CTNNA1: variants seen among roughly 807,000 people sequenced by gnomAD.
The protein encoded by CTNNA1 is catenin alpha 1.
CTNNA1 carries 37 observed loss-of-function variants against 98.4 expected under a neutral mutation model. The observed-to-expected ratio is 0.38, with a 90% CI of 0.29 to 0.49. The LOEUF (loss-of-function observed/expected upper bound fraction) is 0.49. Ranked by LOEUF, CTNNA1 falls within the 20% of genes least tolerant of loss-of-function variation. The pLI is 0.95. For missense variants in CTNNA1, 761 were observed against 1,147.2 expected (o/e 0.66, Z 4.86); for synonymous variants, 404 against 413.2 (o/e 0.98, Z 0.27).
intron 7 of CTNNA1, chr5:138,868,802 G>A (rs1765055344): frequency 6.6e-6 from 1 of 152,084 alleles, no homozygotes; most frequent in South Asian, 2.1e-4. Flanking sequence ...ATTTGACATT[G>A]TAGAGGAACA....
chr5:138,880,260 C>T (rs1752595492), intron 7 of CTNNA1: 1 of 152,264 alleles, frequency 6.6e-6, no homozygotes, highest in East Asian at 1.9e-4. Flanking sequence ...GATCTCCCTC[C>T]TTAGCCTCCC....
intron 13 of CTNNA1, 33 bp from the exon 14 acceptor site, chr5:138,929,213 G>A (rs1764783887): frequency 8.4e-7 from 1 of 1,190,596 alleles, no homozygotes; most frequent in African/African-American, 1.5e-5. Context: ...GCCCAGAGAT[G>A]TGTCTGACCT....
intron 7 of CTNNA1, among the ~76,000 whole-genome samples, chr5:138,845,897 T>A (rs1762676240): frequency 6.6e-6 from 1 of 152,008 alleles, no homozygotes; most frequent in Non-Finnish European, 1.5e-5. Context: ...CAGGGAATGA[T>A]AGCTAAAGGG....
chr5:138,933,105 G>A, intron 17 of CTNNA1: 3 of 655,700 alleles, frequency 4.6e-6, no homozygotes, highest in South Asian at 3.5e-5. Context: ...CTGCACTCCC[G>A]TCTGGGCAAC....
intron 9 of CTNNA1, among the ~76,000 whole-genome samples, chr5:138,895,503 TGG>T (rs5871685): frequency 4.1e-5 from 6 of 146,368 alleles, no homozygotes; most frequent in African/African-American, 1.5e-4. Context: ...AGCAGTTTTT[TGG>T]GGGGGGGGAT....
At chr5:138,809,684 A>G (rs534802722) in intron 3 of CTNNA1, among the ~76,000 whole-genome samples, 8 of 151,622 alleles carry the variant, frequency 5.3e-5, no homozygotes, top group African/African-American at 9.7e-5. Flanking sequence ...TTTATTAGAT[A>G]TGTTTTTTCT....
At chr5:138,886,959 C>CA (rs1169737887) in intron 8 of CTNNA1, among the ~76,000 whole-genome samples, 1 of 151,928 alleles carries the variant, frequency 6.6e-6, no homozygotes, top group African/African-American at 2.4e-5. Flanking sequence ...TGATATAAAA[C>CA]AAAATTAAAG....
rs1173046753 is a variant in CTNNA1 at position 138,934,263 on chromosome 5, A to C, written c.*174A>C. The C allele has an allele frequency of 1.7e-6, 1 of 574,116 alleles. No individual in the cohort carries two copies. The highest frequency in any genetic ancestry group is 3.3e-5 in the Admixed American group (1 of 30,306). The allele number at this position is 574,116 out of a possible 1,614,324, so 35.6% of individuals were successfully genotyped here. A position where few individuals can be genotyped will look rare whatever the true frequency, so the allele number is the denominator to read the frequency against. On this transcript the variant is annotated 3_prime_UTR_variant, in exon 18 of 18. Coordinates refer to ENST00000302763, the MANE Select transcript of CTNNA1 (RefSeq NM_001903.5). The stretch of plus-strand genomic sequence containing the variant: ...AGAACATAGTTTAAGTTGATTAAAA[A>C]TGCTTTTAGAATGCAGGAGCCTACT...
chr5:138,882,434 G>C (rs376662463), intron 7 of CTNNA1, among the ~76,000 whole-genome samples: 1 of 152,206 alleles, frequency 6.6e-6, no homozygotes, highest in African/African-American at 2.4e-5. Context: ...AGAATGTGTA[G>C]AAGAAGGAGA....
At chr5:138,897,221 A>G (rs935005184) in intron 9 of CTNNA1, among the ~76,000 whole-genome samples, 1 of 146,176 alleles carries the variant, frequency 6.8e-6, no homozygotes, top group Non-Finnish European at 1.5e-5. Flanking sequence ...TCCATGGACT[A>G]CCTTGTGAAT....
At chr5:138,799,403 A>C (rs931162872) in intron 3 of CTNNA1, among the ~76,000 whole-genome samples, 3 of 152,018 alleles carry the variant, frequency 2.0e-5, no homozygotes, top group Non-Finnish European at 4.4e-5. Context: ...CAGGTGATCC[A>C]CCCACCTCGG....
chr5:138,826,726 A>T (rs145095018), intron 6 of CTNNA1, among the ~76,000 whole-genome samples: 1 of 152,366 alleles, frequency 6.6e-6, no homozygotes, highest in African/African-American at 2.4e-5. Flanking sequence ...TGAGGCAAAT[A>T]GATGGAAATT....
intron 4 of CTNNA1, among the ~76,000 whole-genome samples, chr5:138,811,202 G>GGAT (rs1758719305): frequency 6.7e-6 from 1 of 148,768 alleles, no homozygotes. Context: ...TTCTCAGACG[G>GGAT]GGCGGCCGGG....
chr5:138,913,920 G>A (rs1761197928), intron 10 of CTNNA1, among the ~76,000 whole-genome samples: 1 of 152,182 alleles, frequency 6.6e-6, no homozygotes, highest in South Asian at 2.1e-4. Context: ...GCATGATCAT[G>A]GCTTACTGCA....
chr5:138,886,129 T>C, intron 7 of CTNNA1, 83 bp from the exon 8 acceptor site: 1 of 1,468,578 alleles, frequency 6.8e-7, no homozygotes, highest in Non-Finnish European at 9.3e-7. Context: ...TTTTCAGTGT[T>C]GACATGAGCA....
chr5:138,842,929 A>G (rs562525788), intron 7 of CTNNA1, among the ~76,000 whole-genome samples: 1 of 152,338 alleles, frequency 6.6e-6, no homozygotes, highest in South Asian at 2.1e-4. Flanking sequence ...ACTCTTTTCA[A>G]CTAGGTTTTT....
chr5:138,764,892 A>C (rs960981784), intron 1 of CTNNA1, among the ~76,000 whole-genome samples: 6 of 13,372 alleles, frequency 4.5e-4, no homozygotes, highest in South Asian at 2.3e-3. Flanking sequence ...TTTTTTTTTG[A>C]GATCTCGCCC....
At chr5:138,813,383 C>G (rs1430278923) in intron 5 of CTNNA1, among the ~76,000 whole-genome samples, 1 of 152,188 alleles carries the variant, frequency 6.6e-6, no homozygotes, top group Non-Finnish European at 1.5e-5. Context: ...TGCAACATGC[C>G]TATTCCTCAG....
chr5:138,887,101 TCTC>T (rs1461970391), intron 8 of CTNNA1, among the ~76,000 whole-genome samples: 1 of 152,162 alleles, frequency 6.6e-6, no homozygotes, highest in African/African-American at 2.4e-5. Context: ...TTTTCTCTCT[TCTC>T]TTTTTATTTA....
Sources: gnomAD v4.1 joint callset for allele counts (sites outside exome capture counted in the v4.1 genomes callset) on GRCh38, gnomAD v4.1.1 for gene constraint, MANE v1.5 for transcripts, NCBI Gene and HGNC (gene_info 2026-07-23, HGNC 2026-07-21) for gene names.